The following EYS variants were observed in gnomAD, a reference collection of about 807,000 sequenced individuals.
EYS encodes protein eyes shut homolog.
In EYS, 250 loss-of-function variants were observed where a neutral mutation model predicts 282.1. The ratio of observed to expected loss-of-function variants is 0.89; its 90% CI spans 0.80 to 0.98. The LOEUF (loss-of-function observed/expected upper bound fraction) is 0.98, where lower values mean the gene tolerates loss of function less well. Among genes scored for constraint, EYS ranks in the 50% least tolerant of loss-of-function variants. The probability of loss-of-function intolerance (pLI) is 0.00; values close to 1 mark genes in which losing one functional copy is unlikely to be tolerated. For missense variants in EYS, 4,016 were observed against 3,709.0 expected, an observed-to-expected ratio of 1.08 and a Z score of -2.15; for synonymous variants, 1,355 against 1,282.9, an observed-to-expected ratio of 1.06 and a Z score of -1.20.
At chr6:65,418,997 T>TGAAAGCAC (rs1676532901) in intron 5 of EYS, among the ~76,000 whole-genome samples, 1 of 151,988 alleles carries the variant, frequency 6.6e-6, no homozygotes, top group South Asian at 2.1e-4. Context: ...AATCTCTGGC[T>TGAAAGCAC]GAAAGCACCT....
chr6:64,060,243 C>T (rs1424988488), intron 33 of EYS, among the ~76,000 whole-genome samples: 3 of 152,070 alleles, frequency 2.0e-5, no homozygotes, highest in African/African-American at 7.2e-5. Flanking sequence ...ACATAGGTAA[C>T]ATTTTTAATT....
rs1309459749 is a variant in EYS at position 64,886,735 on chromosome 6, G to A, written c.2954C>T (p.Thr985Ile). 6.5e-7 allele frequency: 1 copy of A among 1,547,168 alleles called. No homozygotes were observed. The highest frequency in any genetic ancestry group is 8.7e-7 in the Non-Finnish European group (1 of 1,144,720). The change falls in exon 19 of 43, where the codon ACT (threonine) becomes ATT (isoleucine). Residue 985 changes from threonine to isoleucine, a missense_variant. Physicochemically the swap from Thr to Ile is moderately conservative, Grantham distance 89. Coordinates refer to ENST00000503581, the MANE Select transcript of EYS (RefSeq NM_001142800.2). ...GGCACAGAGGCAGTTGTATCCATCAGTCCTGTAGACACAATTTTCTTCATC... is the reference window on the plus strand; with the variant it reads ...GGCACAGAGGCAGTTGTATCCATCAATCCTGTAGACACAATTTTCTTCATC... ...CLDEENCVYRTDGYNCLCAPG... is the reference protein window; with the variant it reads ...CLDEENCVYRIDGYNCLCAPG...
chr6:65,548,244 G>A (rs1312633528), intron 2 of EYS, among the ~76,000 whole-genome samples: 2 of 152,064 alleles, frequency 1.3e-5, no homozygotes, highest in African/African-American at 4.8e-5. Context: ...CTTATGTAAG[G>A]AAATGAAATA....
At chr6:64,929,980 AAG>A (rs1315849194) in intron 15 of EYS, among the ~76,000 whole-genome samples, 1 of 152,170 alleles carries the variant, frequency 6.6e-6, no homozygotes, top group Non-Finnish European at 1.5e-5. Context: ...AAATCTGACT[AAG>A]AGATTTGCTC....
intron 13 of EYS, among the ~76,000 whole-genome samples, chr6:65,050,790 C>A (rs1773248406): frequency 6.6e-6 from 1 of 151,580 alleles, no homozygotes; most frequent in African/African-American, 2.4e-5. Flanking sequence ...TTTCACTTCA[C>A]AAGCACTTAA....
intron 12 of EYS, among the ~76,000 whole-genome samples, chr6:65,259,113 C>G (rs1238406938): frequency 6.6e-6 from 1 of 151,960 alleles, no homozygotes; most frequent in Non-Finnish European, 1.5e-5. Context: ...AGATGGTAGA[C>G]ATTACTGAGG....
intron 18 of EYS, among the ~76,000 whole-genome samples, chr6:64,898,248 C>T (rs747367754): frequency 1.3e-5 from 2 of 152,122 alleles, no homozygotes; most frequent in African/African-American, 4.8e-5. Flanking sequence ...AGACTAACAG[C>T]GGATCTTTCT....
chr6:64,581,443 C>T lies in EYS; in HGVS notation c.5644+8780G>A, dbSNP rs550116273. ...CAGGTAATTAGATATAAAGTTTTTC[C>T]TTTGTTTTATGGTCTTTATCTAATC... On this transcript the variant is annotated intron_variant, in intron 26 of 42. Coordinates refer to ENST00000503581, the MANE Select transcript of EYS (RefSeq NM_001142800.2). 3.8e-4 allele frequency among the ~76,000 whole-genome samples: 58 copies of T among 151,998 alleles called. 1 individual carries two copies. The South Asian group carries it at 6.9e-3, about 18-fold the overall frequency.
chr6:65,035,452 A>G (rs1381606342), intron 13 of EYS, among the ~76,000 whole-genome samples: 1 of 152,090 alleles, frequency 6.6e-6, no homozygotes, highest in Non-Finnish European at 1.5e-5. Flanking sequence ...CTCTACCCAA[A>G]AGCTCCTAGA....
At chr6:65,220,866 A>T (rs1421271434) in intron 12 of EYS, among the ~76,000 whole-genome samples, 1 of 152,100 alleles carries the variant, frequency 6.6e-6, no homozygotes, top group Non-Finnish European at 1.5e-5. Flanking sequence ...TGAGATGGAG[A>T]TGAGGAACCT....
At chr6:63,758,190 A>C (rs1206001595) in intron 41 of EYS, among the ~76,000 whole-genome samples, 1 of 152,172 alleles carries the variant, frequency 6.6e-6, no homozygotes, top group African/African-American at 2.4e-5. Flanking sequence ...GGCATGAGCT[A>C]CTGCACCTGG....
chr6:65,460,721 C>A (rs1764801174), intron 5 of EYS, among the ~76,000 whole-genome samples: 1 of 151,988 alleles, frequency 6.6e-6, no homozygotes, highest in African/African-American at 2.4e-5. Flanking sequence ...CTGAACAAAT[C>A]AATGGATTAC....
intron 30 of EYS, among the ~76,000 whole-genome samples, chr6:64,240,787 C>T (rs555165663): frequency 5.9e-5 from 9 of 152,104 alleles, no homozygotes; most frequent in South Asian, 2.1e-4. Flanking sequence ...TCCAATACTA[C>T]GTTGAATAGG....
chr6:63,944,827 G>A (rs1765347687), intron 35 of EYS, among the ~76,000 whole-genome samples: 1 of 152,118 alleles, frequency 6.6e-6, no homozygotes, highest in South Asian at 2.1e-4. Flanking sequence ...CCAGCTACTA[G>A]GGAGGCTGAG....
intron 33 of EYS, among the ~76,000 whole-genome samples, chr6:64,052,046 G>C (rs1355537114): frequency 6.6e-6 from 1 of 152,048 alleles, no homozygotes; most frequent in East Asian, 1.9e-4. Flanking sequence ...AAAATGAGGG[G>C]ATTGAACTAC....
chr6:65,344,099 T>C lies in EYS; in HGVS notation c.1538A>G (p.Tyr513Cys). The change falls in exon 10 of 43, where the codon TAT becomes TGT. Residue 513 changes from tyrosine (Y) to cysteine (C), a missense_variant. Physicochemically the swap from Tyr to Cys is radical, Grantham distance 194. Transcript: ENST00000503581. ...ATTATTATCTTCAGGATCGTTCACA[T>C]AGGTTGCATCTTCAGTGCAGTTTGC... Reference protein sequence around the residue: ...LAANCTEDATYVNDPEDNNSS... With the variant: ...LAANCTEDATCVNDPEDNNSS... 6.2e-7 allele frequency: 1 copy of C among 1,610,768 alleles called. No individual in the cohort carries two copies. Among genetic ancestry groups the C allele is most frequent in the Non-Finnish European group, 8.5e-7 (1 of 1,177,880 alleles).
At chr6:63,844,255 T>C (rs2149699155) in intron 36 of EYS, among the ~76,000 whole-genome samples, 1 of 152,344 alleles carries the variant, frequency 6.6e-6, no homozygotes, top group South Asian at 2.1e-4. Flanking sequence ...CAGTCTATCA[T>C]TGATGGGCAT....
chr6:65,283,122 T>C (rs1768269760), intron 12 of EYS, among the ~76,000 whole-genome samples: 1 of 151,948 alleles, frequency 6.6e-6, no homozygotes, highest in South Asian at 2.1e-4. Flanking sequence ...CCCAAAGCAA[T>C]ACTAATTTTT....
intron 22 of EYS, among the ~76,000 whole-genome samples, chr6:64,718,247 C>T (rs1310092434): frequency 6.6e-6 from 1 of 152,144 alleles, no homozygotes; most frequent in African/African-American, 2.4e-5. Context: ...CAAGCACAAA[C>T]ACCCCTCAAG....
Sources: allele counts gnomAD v4.1 joint callset (sites outside exome capture counted in the v4.1 genomes callset), GRCh38; gene constraint gnomAD v4.1.1; transcripts MANE v1.5; gene names NCBI Gene and HGNC (gene_info 2026-07-23, HGNC 2026-07-21).